The following CORIN variants were observed in gnomAD, a reference collection of about 807,000 sequenced individuals.
The protein encoded by CORIN is corin, serine peptidase.
In CORIN, 117 loss-of-function variants were observed where a neutral mutation model predicts 125.3. That is an observed-to-expected ratio of 0.93 (90% CI 0.80 to 1.09). The LOEUF (loss-of-function observed/expected upper bound fraction) is 1.09. CORIN is among the 50% of genes least tolerant of loss of function. CORIN has a pLI of 0.00. For synonymous variants in CORIN, 450 were observed against 466.4 expected (o/e 0.96, Z 0.45); for missense variants, 1,253 against 1,306.7 (o/e 0.96, Z 0.63).
At chr4:47,725,654 T>C (rs1727560159) in intron 5 of CORIN, among the ~76,000 whole-genome samples, 1 of 152,030 alleles carries the variant, frequency 6.6e-6, no homozygotes, top group African/African-American at 2.4e-5. Context: ...AAATGAAAAC[T>C]GAAAAAGTCT....
chr4:47,730,077 A>T (rs1352748829), intron 5 of CORIN, among the ~76,000 whole-genome samples: 1 of 152,140 alleles, frequency 6.6e-6, no homozygotes, highest in Non-Finnish European at 1.5e-5. Context: ...CTGGGCAAGA[A>T]CTTGGGGTAC....
chr4:47,662,184 C>A (rs1033073106), intron 11 of CORIN, among the ~76,000 whole-genome samples: 1 of 152,208 alleles, frequency 6.6e-6, no homozygotes, highest in Non-Finnish European at 1.5e-5. Flanking sequence ...ATTCTCCAAC[C>A]TTTTGTTCCA....
rs1042825091 is a variant in CORIN at position 47,665,078 on chromosome 4, C to T, written c.1543G>A (p.Val515Ile). The T allele has an allele frequency of 1.2e-6, 2 of 1,613,592 alleles. No individual in the cohort carries two copies. Among genetic ancestry groups the T allele is most frequent in the Admixed American group, 1.7e-5 (1 of 59,988 alleles). The change falls in exon 11 of 22, where the codon GTA becomes ATA. Residue 515 changes from valine (V) to isoleucine (I), a missense_variant. Transcript: ENST00000273857. ...YLMFFSCTIL[V>I]PKCDVNTGEH... ...CCTGTATTCACATCACATTTTGGTA[C>T]CAAAATGGTGCAAGAAAAGAACATG...
intron 3 of CORIN, among the ~76,000 whole-genome samples, chr4:47,784,301 G>A (rs1320929666): frequency 6.6e-6 from 1 of 152,136 alleles, no homozygotes; most frequent in Non-Finnish European, 1.5e-5. Context: ...AGTCTATGTG[G>A]CCAGACAGGA....
intron 6 of CORIN, among the ~76,000 whole-genome samples, chr4:47,691,467 G>A (rs533452554): frequency 1.5e-3 from 223 of 152,152 alleles, no homozygotes; most frequent in South Asian, 4.6e-3. Context: ...ATTCCAAGTC[G>A]TAAAACACAA....
chr4:47,610,749 A>G (rs931887634), intron 19 of CORIN, among the ~76,000 whole-genome samples: 2 of 152,114 alleles, frequency 1.3e-5, no homozygotes, highest in African/African-American at 4.8e-5. Context: ...TCTTTAATCC[A>G]TCTTGAGTTA....
intron 5 of CORIN, among the ~76,000 whole-genome samples, chr4:47,712,244 G>A (rs1726878793): frequency 6.6e-6 from 1 of 151,914 alleles, no homozygotes; most frequent in East Asian, 1.9e-4. Flanking sequence ...ACATTATCAT[G>A]ATATATATGA....
intron 16 of CORIN, among the ~76,000 whole-genome samples, chr4:47,634,295 G>A (rs537779745): frequency 2.7e-4 from 41 of 152,192 alleles, no homozygotes; most frequent in African/African-American, 8.4e-4. Flanking sequence ...ACAGGCATTC[G>A]TCTTTATAAC....
chr4:47,612,737 C>A (rs1438149259), intron 19 of CORIN, among the ~76,000 whole-genome samples: 7 of 152,114 alleles, frequency 4.6e-5, no homozygotes, highest in Non-Finnish European at 8.8e-5. Context: ...GGTCCACAGG[C>A]ATCAAAAAGG....
intron 1 of CORIN, among the ~76,000 whole-genome samples, chr4:47,812,535 C>G (rs1044955408): frequency 2.0e-5 from 3 of 152,092 alleles, no homozygotes; most frequent in Admixed American, 6.6e-5. Flanking sequence ...ACTATATGCA[C>G]TACATTAGGA....
intron 4 of CORIN, among the ~76,000 whole-genome samples, chr4:47,760,874 G>A (rs1209657091): frequency 8.5e-5 from 13 of 152,098 alleles, no homozygotes; most frequent in African/African-American, 1.2e-4. Context: ...CACTTGTTAC[G>A]TCATCTTGCA....
intron 1 of CORIN, among the ~76,000 whole-genome samples, chr4:47,816,738 G>A (rs1196614831): frequency 6.6e-6 from 1 of 152,100 alleles, no homozygotes; most frequent in Non-Finnish European, 1.5e-5. Flanking sequence ...TTGATATTCC[G>A]AGAAGGACAA....
chr4:47,668,417 T>C (rs1268472672), intron 10 of CORIN, among the ~76,000 whole-genome samples: 1 of 152,264 alleles, frequency 6.6e-6, no homozygotes, highest in African/African-American at 2.4e-5. Context: ...GATTTCTGTT[T>C]GCTTTTGCCA....
intron 10 of CORIN, among the ~76,000 whole-genome samples, chr4:47,667,176 G>A (rs1478511528): frequency 2.0e-5 from 3 of 152,192 alleles, no homozygotes; most frequent in African/African-American, 7.2e-5. Flanking sequence ...CTGCCACCAT[G>A]TGAGACGTGC....
chr4:47,654,633 C>A (rs1723882695), intron 12 of CORIN, among the ~76,000 whole-genome samples: 1 of 152,214 alleles, frequency 6.6e-6, no homozygotes, highest in Non-Finnish European at 1.5e-5. Flanking sequence ...TGAACCCCAG[C>A]CAAAGGGGAA....
chr4:47,623,121 C>T (rs1463291821), intron 19 of CORIN, among the ~76,000 whole-genome samples: 34 of 131,554 alleles, frequency 2.6e-4, no homozygotes, highest in African/African-American at 5.5e-4. Flanking sequence ...TATATATACA[C>T]ACACACACAC....
intron 2 of CORIN, 94 bp downstream of exon 2, chr4:47,806,809 T>C: frequency 7.6e-7 from 1 of 1,316,580 alleles, no homozygotes; most frequent in Non-Finnish European, 1.0e-6. Context: ...TGACTGACAC[T>C]TTGGGTTAAA....
intron 4 of CORIN, among the ~76,000 whole-genome samples, chr4:47,751,903 AG>A (rs1192788295): frequency 1.3e-5 from 2 of 152,216 alleles, no homozygotes; most frequent in African/African-American, 2.4e-5. Context: ...TGATGCCAGG[AG>A]CTGAGATAGA....
intron 13 of CORIN, among the ~76,000 whole-genome samples, chr4:47,647,535 T>C (rs181052112): frequency 1.3e-5 from 2 of 152,292 alleles, no homozygotes; most frequent in East Asian, 3.9e-4. Flanking sequence ...ATAATGATGA[T>C]AATGAGATAA....
Sources: gnomAD v4.1 joint callset for allele counts (sites outside exome capture counted in the v4.1 genomes callset) on GRCh38, gnomAD v4.1.1 for gene constraint, MANE v1.5 for transcripts, NCBI Gene and HGNC (gene_info 2026-07-23, HGNC 2026-07-21) for gene names.